The following RERE variants were observed in gnomAD, a reference collection of about 807,000 sequenced individuals.
RERE encodes arginine-glutamic acid dipeptide repeats, also known as arginine-glutamic acid dipeptide repeats protein.
In RERE, 40 loss-of-function variants were observed where a neutral mutation model predicts 146.1. That is an observed-to-expected ratio of 0.27 (90% CI 0.21 to 0.36). The LOEUF (loss-of-function observed/expected upper bound fraction) is 0.36. RERE is among the 10% of genes least tolerant of loss of function. The probability of loss-of-function intolerance (pLI) is 1.00; values close to 1 mark genes in which losing one functional copy is unlikely to be tolerated. For missense variants in RERE, 1,933 were observed against 2,138.7 expected (o/e 0.90, Z 1.90); for synonymous variants, 1,003 against 866.0 (o/e 1.16, Z -2.78).
intron 7 of RERE, among the ~76,000 whole-genome samples, chr1:8,531,060 TCTATCTATCTAA>T (rs1334730495): frequency 8.5e-4 from 125 of 146,204 alleles, no homozygotes; most frequent in African/African-American, 3.0e-3. Flanking sequence ...TATCTATCTA[TCTATCTATCTAA>T]CTTTCTATCT....
chr1:8,724,875 T>TA (rs1176635924), intron 1 of RERE, among the ~76,000 whole-genome samples: 9,547 of 120,656 alleles, frequency 0.079, 863 homozygotes, highest in African/African-American at 0.21. Flanking sequence ...AGATACTTTG[T>TA]AAAAAAAAAA....
chr1:8,521,429 G>C lies in RERE; in HGVS notation c.831-12754C>G, dbSNP rs548131572. ...GGCCAAGACAGGAAGATAGTTTGAGGCCAGGAGTTCGAGACCAACCCAGGC... is the reference window on the plus strand; with the variant it reads ...GGCCAAGACAGGAAGATAGTTTGAGCCCAGGAGTTCGAGACCAACCCAGGC... On this transcript the variant is annotated intron_variant, in intron 7 of 22. Coordinates refer to ENST00000400908, the MANE Select transcript of RERE (RefSeq NM_001042681.2). Among the ~76,000 whole-genome samples the C allele has an allele frequency of 3.3e-5, 5 of 152,174 alleles. No homozygotes were observed. In the South Asian group the frequency reaches 1.0e-3, roughly 32 times the overall value.
chr1:8,681,592 G>T (rs941667891), intron 1 of RERE, among the ~76,000 whole-genome samples: 32 of 152,028 alleles, frequency 2.1e-4, no homozygotes, highest in African/African-American at 7.7e-4. Flanking sequence ...CCTAAATTTG[G>T]CCACAGATTA....
chr1:8,409,876 G>A (rs1428868020), intron 12 of RERE, among the ~76,000 whole-genome samples: 1 of 151,636 alleles, frequency 6.6e-6, no homozygotes, highest in Admixed American at 6.6e-5. Flanking sequence ...TGATGATGTT[G>A]GGCTCTGGCA....
intron 1 of RERE, among the ~76,000 whole-genome samples, chr1:8,712,682 G>A (rs1373096518): frequency 1.3e-5 from 2 of 152,012 alleles, no homozygotes; most frequent in Non-Finnish European, 2.9e-5. Context: ...TTTATTGAAG[G>A]CCTAGCAAAG....
chr1:8,531,116 T>C (rs899376678), intron 7 of RERE, among the ~76,000 whole-genome samples: 1 of 151,988 alleles, frequency 6.6e-6, no homozygotes, highest in Non-Finnish European at 1.5e-5. Context: ...TGTCCATCCA[T>C]CCATCCATCC....
chr1:8,607,534 C>CTTTTTTCTTTTTTTTTTTTTTTTT (rs1646733411), intron 4 of RERE, among the ~76,000 whole-genome samples: 1 of 48,584 alleles, frequency 2.1e-5, no homozygotes, highest in African/African-American at 8.6e-5. Context: ...ATATATATTT[C>CTTTTTTCTTTTTTTTTTTTTTTTT]TTTTTTTTTT....
chr1:8,501,228 G>A (rs1235350438), intron 8 of RERE, among the ~76,000 whole-genome samples: 1 of 128,440 alleles, frequency 7.8e-6, no homozygotes, highest in Non-Finnish European at 1.7e-5. Flanking sequence ...CCCCCCGCCC[G>A]GCCGGCCGCC....
chr1:8,427,963 C>G (rs1371888329), intron 11 of RERE, among the ~76,000 whole-genome samples: 1 of 152,170 alleles, frequency 6.6e-6, no homozygotes, highest in Non-Finnish European at 1.5e-5. Context: ...ACTTATAAAT[C>G]AACAGGCCCT....
At chr1:8,577,946 C>G (rs557332501) in intron 4 of RERE, among the ~76,000 whole-genome samples, 1 of 152,182 alleles carries the variant, frequency 6.6e-6, no homozygotes, top group South Asian at 2.1e-4. Flanking sequence ...TACAAAAAAG[C>G]CAGGTGCGGT....
intron 8 of RERE, 86 bp from the exon 9 acceptor site, chr1:8,497,615 A>C (rs1159828072): frequency 5.1e-5 from 72 of 1,415,570 alleles, no homozygotes; most frequent in Non-Finnish European, 7.0e-5. Flanking sequence ...AGGAACATAT[A>C]CAATGTTTTA....
intron 11 of RERE, among the ~76,000 whole-genome samples, chr1:8,455,951 G>C (rs1397212463): frequency 6.6e-6 from 1 of 152,154 alleles, no homozygotes; most frequent in African/African-American, 2.4e-5. Flanking sequence ...GAGTGTTGGG[G>C]AAAGAAGAAT....
chr1:8,788,859 G>A (rs1641307957), intron 1 of RERE, among the ~76,000 whole-genome samples: 1 of 151,640 alleles, frequency 6.6e-6, no homozygotes, highest in South Asian at 2.1e-4. Flanking sequence ...AAGTACAGGT[G>A]GGATTACAGT....
chr1:8,809,925 G>A (rs956597373), intron 1 of RERE, among the ~76,000 whole-genome samples: 2 of 152,164 alleles, frequency 1.3e-5, no homozygotes, highest in Non-Finnish European at 2.9e-5. Flanking sequence ...TAAGTGGTAG[G>A]AAATAAAAGT....
chr1:8,557,892 T>C (rs1646025978), intron 4 of RERE, among the ~76,000 whole-genome samples: 2 of 152,194 alleles, frequency 1.3e-5, no homozygotes, highest in Admixed American at 1.3e-4. Context: ...ATCATTTTGG[T>C]AAATATTTAG....
chr1:8,397,207 CTG>C (rs1379275186), intron 12 of RERE, among the ~76,000 whole-genome samples: 1 of 152,224 alleles, frequency 6.6e-6, no homozygotes, highest in Non-Finnish European at 1.5e-5. Flanking sequence ...CATAATCTCT[CTG>C]CCTCCTTTCT....
chr1:8,440,640 C>T (rs533354006), intron 11 of RERE, among the ~76,000 whole-genome samples: 1 of 149,324 alleles, frequency 6.7e-6, no homozygotes, highest in East Asian at 2.0e-4. Context: ...GTAATCCCAG[C>T]ACTTTGGGAG....
intron 1 of RERE, among the ~76,000 whole-genome samples, chr1:8,758,606 T>A (rs958612896): frequency 3.9e-5 from 6 of 151,908 alleles, no homozygotes; most frequent in African/African-American, 9.7e-5. Flanking sequence ...CAAGCTGGTC[T>A]CGAATTCCTA....
intron 12 of RERE, among the ~76,000 whole-genome samples, chr1:8,399,559 T>C (rs932676092): frequency 2.6e-5 from 4 of 152,198 alleles, no homozygotes; most frequent in African/African-American, 9.7e-5. Flanking sequence ...CTCATTTGTA[T>C]AAAGCCTATC....
Sources: gnomAD v4.1 joint callset for allele counts (sites outside exome capture counted in the v4.1 genomes callset) on GRCh38, gnomAD v4.1.1 for gene constraint, MANE v1.5 for transcripts, NCBI Gene and HGNC (gene_info 2026-07-23, HGNC 2026-07-21) for gene names.